COL15A1: variants seen among roughly 807,000 people sequenced by gnomAD.
The protein encoded by COL15A1 is collagen alpha-1(XV) chain.
In COL15A1, 111 loss-of-function variants were observed where a neutral mutation model predicts 165.9. That is an observed-to-expected ratio of 0.67 (90% CI 0.57 to 0.78). The LOEUF (loss-of-function observed/expected upper bound fraction) is 0.78. Ranked by LOEUF, COL15A1 falls within the 30% of genes least tolerant of loss-of-function variation. COL15A1 has a pLI of 0.00. For synonymous variants in COL15A1, 659 were observed against 674.8 expected, an observed-to-expected ratio of 0.98 and a Z score of 0.36; for missense variants, 1,745 against 1,789.7, an observed-to-expected ratio of 0.98 and a Z score of 0.45.
rs1172228688 is a variant in COL15A1, at chr9:99,062,046, A to T, written c.3478A>T (p.Arg1160Trp). 6.2e-7 allele frequency: 1 copy of T among 1,613,960 alleles called. No homozygotes were observed. The highest frequency in any genetic ancestry group is 2.2e-5 in the East Asian group (1 of 44,888). Residue 1160 changes from arginine to tryptophan, a missense_variant, in exon 37 of 42, where the codon AGG becomes TGG. Transcript: ENST00000375001. The stretch of plus-strand genomic sequence containing the variant: ...TATAGAAGGAACATTCATCTACCTG[A>T]GGGACAGCACTGAGTTTTTCATTCG... ...LVIEGTFIYL[R>W]DSTEFFIRVR... is the part of the protein sequence containing the mutation.
chr9:99,042,761 C>T (rs777880055), intron 24 of COL15A1, among the ~76,000 whole-genome samples: 14 of 152,220 alleles, frequency 9.2e-5, no homozygotes, highest in Non-Finnish European at 1.9e-4. Flanking sequence ...CAGAACACTT[C>T]CTGAGAACTC....
chr9:99,063,051 C>A lies in COL15A1; in HGVS notation c.3593C>A (p.Pro1198Gln). The A allele has an allele frequency of 6.3e-7, 1 of 1,595,500 alleles. No homozygotes were observed. The highest frequency in any genetic ancestry group is 8.5e-7 in the Non-Finnish European group (1 of 1,173,654). Reference sequence around the variant, plus strand: ...TTCTTTTCCTCCTTTTCATAACAGCCACATCAGCTTCTGCCTCCACCAAAC... The same window carrying A: ...TTCTTTTCCTCCTTTTCATAACAGCAACATCAGCTTCTGCCTCCACCAAAC... ...SPPPPALSSN[P>Q]HQLLPPPNPI... is the part of the protein sequence containing the mutation. The change falls in exon 39 of 42, where the codon CCA becomes CAA. Residue 1198 changes from proline (P) to glutamine (Q), a missense_variant and splice_region_variant. Pro to Gln is a moderately conservative substitution (Grantham distance 76, BLOSUM62 -1). Coordinates refer to ENST00000375001, the MANE Select transcript of COL15A1 (RefSeq NM_001855.5).
chr9:99,010,924 G>A (rs180725278), intron 9 of COL15A1, among the ~76,000 whole-genome samples: 1 of 152,174 alleles, frequency 6.6e-6, no homozygotes, highest in African/African-American at 2.4e-5. Context: ...TGCGACTGCT[G>A]TTCTCTATGG....
At chr9:98,966,632 T>A (rs954146278) in intron 2 of COL15A1, among the ~76,000 whole-genome samples, 3 of 152,138 alleles carry the variant, frequency 2.0e-5, no homozygotes, top group Non-Finnish European at 1.5e-5. Context: ...GAGTCTGAAG[T>A]CTGAGAAGCC....
intron 26 of COL15A1, 67 bp from the exon 27 acceptor site, chr9:99,047,719 G>A: frequency 6.5e-7 from 1 of 1,537,824 alleles, no homozygotes; most frequent in Non-Finnish European, 9.0e-7. Context: ...AAGCGGGCTT[G>A]CACTCCTCAT....
At chr9:99,006,162 C>T (rs1282501777) in intron 9 of COL15A1, among the ~76,000 whole-genome samples, 1 of 152,220 alleles carries the variant, frequency 6.6e-6, no homozygotes, top group Non-Finnish European at 1.5e-5. Flanking sequence ...ACACCACTTC[C>T]TCAAGAAGAT....
chr9:99,001,622 A>T lies in COL15A1; in HGVS notation c.1065+671A>T, dbSNP rs12342839. 2.4e-4 allele frequency among the ~76,000 whole-genome samples: 36 copies of T among 152,306 alleles called. 1 individual carries two copies. Among genetic ancestry groups the T allele is most frequent in the African/African-American group, 6.5e-4 (27 of 41,544 alleles). On this transcript the variant is annotated intron_variant, in intron 7 of 41. Transcript: ENST00000375001. ...CCCCTTCTATACTCAGGCCTACTGT[A>T]GACTAGGAAACTGCCAGGAAAGGGA...
chr9:99,066,750 G>C (rs1171777411), intron 39 of COL15A1, 132 bp from the exon 40 acceptor site: 3 of 717,036 alleles, frequency 4.2e-6, no homozygotes, highest in African/African-American at 3.6e-5. Flanking sequence ...GTCAGGGAGG[G>C]ATTGAATAAA....
At chr9:98,985,320 T>C (rs999274274) in intron 2 of COL15A1, among the ~76,000 whole-genome samples, 1 of 152,204 alleles carries the variant, frequency 6.6e-6, no homozygotes, top group Non-Finnish European at 1.5e-5. Flanking sequence ...TATTAAATCA[T>C]GTTCTATGAA....
chr9:98,994,916 A>G (rs1050996733), intron 5 of COL15A1, among the ~76,000 whole-genome samples: 11 of 151,996 alleles, frequency 7.2e-5, no homozygotes, highest in African/African-American at 2.4e-4. Flanking sequence ...GGGGGTTGGG[A>G]TGCCTTGTTG....
intron 36 of COL15A1, among the ~76,000 whole-genome samples, chr9:99,060,554 G>A (rs527500882): frequency 1.4e-3 from 209 of 150,860 alleles, no homozygotes; most frequent in Non-Finnish European, 2.5e-3. Context: ...GTACAGACAC[G>A]AGCCACCACG....
Position 99,003,434 on chromosome 9 carries a change from G to T in COL15A1, c.1066-19G>T. ...TGGGAGCCCAGAGACATGGTCTCTTGTGATGCCTTTGTTTTCAGAATTTAG... is the reference window on the plus strand; with the variant it reads ...TGGGAGCCCAGAGACATGGTCTCTTTTGATGCCTTTGTTTTCAGAATTTAG... On this transcript the variant is annotated intron_variant, in intron 7 of 41. Coordinates refer to ENST00000375001, the MANE Select transcript of COL15A1 (RefSeq NM_001855.5). 6.8e-7 allele frequency: 1 copy of T among 1,472,558 alleles called. No individual in the cohort carries two copies. The highest frequency in any genetic ancestry group is 9.1e-7 in the Non-Finnish European group (1 of 1,104,314). 91.2% of individuals were successfully genotyped at this position (1,472,558 alleles called of 1,614,324 possible).
chr9:98,976,281 G>A (rs552877995), intron 2 of COL15A1, among the ~76,000 whole-genome samples: 1 of 152,338 alleles, frequency 6.6e-6, no homozygotes, highest in African/African-American at 2.4e-5. Context: ...CCGGTCAGAT[G>A]CAGCCCCAGG....
At chr9:98,972,265 G>A (rs1838070724) in intron 2 of COL15A1, among the ~76,000 whole-genome samples, 2 of 152,098 alleles carry the variant, frequency 1.3e-5, no homozygotes, top group African/African-American at 2.4e-5. Flanking sequence ...GCCCTTACCC[G>A]TGGCTGTCAC....
At chr9:99,007,154 A>G (rs1838777174) in intron 9 of COL15A1, among the ~76,000 whole-genome samples, 1 of 152,222 alleles carries the variant, frequency 6.6e-6, no homozygotes, top group Admixed American at 6.5e-5. Context: ...CAAGTTTCTG[A>G]TTAGCCTTTC....
chr9:99,040,348 C>T (rs1839379878), intron 22 of COL15A1, among the ~76,000 whole-genome samples, 173 bp from the exon 23 acceptor site: 1 of 152,170 alleles, frequency 6.6e-6, no homozygotes, highest in African/African-American at 2.4e-5. Context: ...CTGTCCTCCC[C>T]TTGGCAAATC....
intron 2 of COL15A1, among the ~76,000 whole-genome samples, chr9:98,981,163 A>G (rs765231220): frequency 2.5e-4 from 38 of 152,184 alleles, no homozygotes; most frequent in Non-Finnish European, 4.0e-4. Context: ...TTGTGAAAAT[A>G]TAAGGCCAGG....
intron 8 of COL15A1, among the ~76,000 whole-genome samples, chr9:99,004,077 TG>T (rs1355811913): frequency 1.3e-5 from 2 of 152,004 alleles, no homozygotes; most frequent in Non-Finnish European, 2.9e-5. Flanking sequence ...AGCATACCTG[TG>T]GGGTCAAGCG....
intron 23 of COL15A1, chr9:99,040,768 G>A (rs140676509): frequency 4.3e-5 from 34 of 782,452 alleles, no homozygotes; most frequent in African/African-American, 3.7e-4. Flanking sequence ...ATCCATCTGC[G>A]TCAGCCTCCC....
Sources: allele counts gnomAD v4.1 joint callset (sites outside exome capture counted in the v4.1 genomes callset), GRCh38; gene constraint gnomAD v4.1.1; transcripts MANE v1.5; gene names NCBI Gene and HGNC (gene_info 2026-07-23, HGNC 2026-07-21).